LY75: variants seen among roughly 807,000 people sequenced by gnomAD.
LY75 encodes the protein lymphocyte antigen 75, also known as C-type lectin domain family 13 member B.
In LY75, 185 loss-of-function variants were observed where a neutral mutation model predicts 231.7. The ratio of observed to expected loss-of-function variants is 0.80; its 90% CI spans 0.71 to 0.90. LY75 has a LOEUF of 0.90. Among genes scored for constraint, LY75 ranks in the 40% least tolerant of loss-of-function variants. The pLI is 0.00. For missense variants in LY75, 1,947 were observed against 2,050.2 expected, an observed-to-expected ratio of 0.95 and a Z score of 0.97; for synonymous variants, 668 against 689.0, an observed-to-expected ratio of 0.97 and a Z score of 0.48.
intron 13 of LY75, among the ~76,000 whole-genome samples, chr2:159,867,876 C>T (rs1684902787): frequency 6.6e-6 from 1 of 152,148 alleles, no homozygotes; most frequent in African/African-American, 2.4e-5. Context: ...TGATTTGGTG[C>T]ACCATGAATC....
rs1308176006 is a variant in LY75, at chr2:159,850,406, G to A, written c.2945C>T (p.Ser982Phe). 1 of 1,613,676 alleles carries A rather than the reference G, an allele frequency of 6.2e-7. No individual in the cohort carries two copies. Among genetic ancestry groups the A allele is most frequent in the South Asian group, 1.1e-5 (1 of 91,060 alleles). The change falls in exon 22 of 35, where the codon TCC (serine) becomes TTC (phenylalanine). Residue 982 changes from serine to phenylalanine, a missense_variant. Physicochemically the swap from Ser to Phe is radical, Grantham distance 155. Transcript: ENST00000263636. ...TFSQASDTCH[S>F]YGGTLPSVLS... is the part of the protein sequence containing the mutation. ...CACTGAAGGAAGGGTGCCACCATAGGAGTGACAGGTATCGCTTGCTTGAGA... is the reference window on the plus strand; with the variant it reads ...CACTGAAGGAAGGGTGCCACCATAGAAGTGACAGGTATCGCTTGCTTGAGA...
chr2:159,828,309 G>A (rs80345541), intron 28 of LY75, among the ~76,000 whole-genome samples: 24,349 of 150,918 alleles, frequency 0.16, 2,281 homozygotes, highest in East Asian at 0.32. Flanking sequence ...CTTACCCCTC[G>A]ACAATAAAAA....
intron 2 of LY75, among the ~76,000 whole-genome samples, chr2:159,898,356 A>ATTCCTTTCCTCTAGGGT (rs146899149): frequency 0.17 from 25,790 of 151,628 alleles, 2,546 homozygotes; most frequent in East Asian, 0.32. Flanking sequence ...AAATCTAATG[A>ATTCCTTTCCTCTAGGGT]TTCCTTTCCT....
Position 159,840,840 on chromosome 2 carries a change from C to T in LY75, c.3396G>A (p.Leu1132=). ...LTWHSAKREC[L]KSNMQLVSIT... is the part of the protein sequence containing the mutation. ...TGCTCACCAGCTGCATGTTACTTTT[C>T]AGACACTCCCTTTTAGCACTGTGCC... is the stretch of plus-strand genomic sequence containing the variant. Residue 1132 remains leucine (L), a synonymous_variant, in exon 25 of 35, where the codon CTG becomes CTA. Transcript: ENST00000263636. The T allele has an allele frequency of 6.2e-7, 1 of 1,614,094 alleles. No individual in the cohort carries two copies. Among genetic ancestry groups the T allele is most frequent in the South Asian group, 1.1e-5 (1 of 91,074 alleles).
At chr2:159,815,694 T>C in intron 30 of LY75, 121 bp from the exon 31 acceptor site, 2 of 1,260,926 alleles carry the variant, frequency 1.6e-6, no homozygotes, top group Non-Finnish European at 1.1e-6. Flanking sequence ...GCTTACAGTA[T>C]TGTAGGTCTG....
intron 1 of LY75, 26 bp from the exon 2 acceptor site, chr2:159,899,085 T>C (rs763263821): frequency 6.3e-7 from 1 of 1,599,504 alleles, no homozygotes; most frequent in Non-Finnish European, 8.5e-7. Context: ...AGACAGATTG[T>C]AGATTATGTG....
rs147904044 is a variant in LY75, at chr2:159,840,760, G to A, written c.3476C>T (p.Ser1159Phe). ...FLSVQALLHN[S>F]SLWIGLFSQD... ...ACTGAAGAGTCCGATCCATAAGGAAGAGTTGTGAAGGAGCGCCTGCACACT... is the reference window on the plus strand; with the variant it reads ...ACTGAAGAGTCCGATCCATAAGGAAAAGTTGTGAAGGAGCGCCTGCACACT... The change falls in exon 25 of 35, where the codon TCT (serine) becomes TTT (phenylalanine). Residue 1159 changes from serine (S) to phenylalanine (F), a missense_variant. Physicochemically the swap from Ser to Phe is radical, Grantham distance 155. Coordinates refer to ENST00000263636, the MANE Select transcript of LY75 (RefSeq NM_002349.4). 6,648 of 1,614,062 alleles carry A rather than the reference G, an allele frequency of 4.1e-3. 16 individuals are homozygous for A. The highest frequency in any genetic ancestry group is 5.1e-3 in the Non-Finnish European group (5,974 of 1,179,972).
rs778647483 is a variant in LY75, at chr2:159,875,626, C to T, written c.1792G>A (p.Val598Met). 63 of 1,613,814 alleles carry T rather than the reference C, an allele frequency of 3.9e-5. 2 individuals carry two copies. Among genetic ancestry groups the T allele is most frequent in the South Asian group, 2.1e-4 (19 of 91,060 alleles). The change falls in exon 12 of 35, where the codon GTG (valine) becomes ATG (methionine). Residue 598 changes from valine (V) to methionine (M), a missense_variant. Coordinates refer to ENST00000263636, the MANE Select transcript of LY75 (RefSeq NM_002349.4). ...FLEPASPGGC[V>M]AMSTGKSVGK... ...ACAGACTTTCCAGTAGACATAGCCA[C>T]GCAGCCGCCCGGGGAAGCTGGGATT...
chr2:159,848,675 AT>A (rs1167052344), intron 23 of LY75, among the ~76,000 whole-genome samples: 1 of 152,214 alleles, frequency 6.6e-6, no homozygotes, highest in Non-Finnish European at 1.5e-5. Context: ...AAAACAGTGT[AT>A]GGAAAAGCCC....
In LY75 at chr2:159,898,771, C is replaced by T; in HGVS notation, c.383G>A (p.Gly128Glu). The T allele has an allele frequency of 6.2e-7, 1 of 1,614,242 alleles. No homozygotes were observed. Among genetic ancestry groups the T allele is most frequent in the Non-Finnish European group, 8.5e-7 (1 of 1,180,036 alleles). The change falls in exon 2 of 35, where the codon GGA becomes GAA. Residue 128 changes from glycine to glutamate, a missense_variant. Coordinates refer to ENST00000263636, the MANE Select transcript of LY75 (RefSeq NM_002349.4). The stretch of plus-strand genomic sequence containing the variant: ...TGCATTTGAGATTGCTGTGCCATGT[C>T]CATCCTTCAGAGCCAGCCGGTACCG... Reference protein sequence around the residue: ...AARYRLALKDGHGTAISNASD... With the variant: ...AARYRLALKDEHGTAISNASD...
Position 159,819,934 on chromosome 2 carries a change from A to ATT in LY75, c.3959-16_3959-15dup, listed in dbSNP as rs36120198. The stretch of plus-strand genomic sequence containing the variant: ...TAAGAGACTTATCTAGAGAAGAAAC[A>ATT]TTTTTTCCTATGCTTAGAGATTAAA... On this transcript the variant is annotated splice_polypyrimidine_tract_variant and intron_variant, in intron 28 of 34. Transcript: ENST00000263636. 0.097 allele frequency: 153,064 copies of ATT among 1,570,488 alleles called. 8,401 individuals are homozygous for ATT. Among genetic ancestry groups the ATT allele is most frequent in the South Asian group, 0.15 (12,664 of 83,506 alleles).
chr2:159,813,612 C>T (rs761731773), intron 31 of LY75, among the ~76,000 whole-genome samples: 7 of 152,238 alleles, frequency 4.6e-5, no homozygotes, highest in Middle Eastern at 3.4e-3. Flanking sequence ...TTTGTCATCA[C>T]GTGGACTTTT....
intron 13 of LY75, among the ~76,000 whole-genome samples, chr2:159,867,258 C>T (rs777668505): frequency 6.6e-6 from 1 of 152,044 alleles, no homozygotes; most frequent in Non-Finnish European, 1.5e-5. Flanking sequence ...AAAATAATAG[C>T]GACATGTATG....
intron 24 of LY75, among the ~76,000 whole-genome samples, chr2:159,841,892 TTTAA>T (rs1307057498): frequency 4.6e-5 from 7 of 152,126 alleles, no homozygotes; most frequent in Non-Finnish European, 5.9e-5. Flanking sequence ...AATTAATTAA[TTTAA>T]TTAATTATGG....
intron 12 of LY75, among the ~76,000 whole-genome samples, chr2:159,874,256 ATATTG>A (rs1456279078): frequency 4.6e-4 from 58 of 124,976 alleles, no homozygotes; most frequent in East Asian, 1.4e-3. Flanking sequence ...GTAAATATAT[ATATTG>A]TAAATATATA....
chr2:159,904,717 G>T lies in LY75; in HGVS notation c.-35C>A. On this transcript the variant is annotated 5_prime_UTR_variant, in exon 1 of 35. Transcript: ENST00000263636. ...GCGCAAGCCTTCCGGCCGGGTCCTC[G>T]GGCGCACGCGGCTCCCGCCCCGCCT... is the stretch of plus-strand genomic sequence containing the variant. 3.6e-6 allele frequency: 5 copies of T among 1,388,414 alleles called. No homozygotes were observed. The highest frequency in any genetic ancestry group is 3.8e-5 in the Admixed American group (1 of 26,302). The allele number at this position is 1,388,414 out of a possible 1,614,324, so 86.0% of individuals were successfully genotyped here. A position where few individuals can be genotyped will look rare whatever the true frequency, so the allele number is the denominator to read the frequency against.
At chr2:159,831,886 C>A in intron 27 of LY75, 100 bp from the exon 28 acceptor site, 4 of 907,890 alleles carry the variant, frequency 4.4e-6, no homozygotes, top group South Asian at 3.8e-5. Context: ...TAATATACTT[C>A]AAAATATAAA....
At position 159,858,468 on chromosome 2, in the gene LY75, A is replaced by G. The variant is rs780906869; in HGVS notation, c.2277T>C (p.His759=). ...IRDCAAVKVF[H]RPWRRGWHFY... ...AATGCCAGCCTCTTCGCCATGGCCT[A>G]TGAAATACCTATAAGAGGAAAAGTA... The change falls in exon 16 of 35, where the codon CAT becomes CAC. Residue 759 remains histidine (H), a synonymous_variant. Transcript: ENST00000263636. 5.0e-6 allele frequency: 8 copies of G among 1,611,310 alleles called. No homozygotes were observed. The highest frequency in any genetic ancestry group is 3.4e-5 in the Admixed American group (2 of 59,598).
intron 18 of LY75, 71 bp from the exon 19 acceptor site, chr2:159,853,768 G>A: frequency 6.3e-7 from 1 of 1,593,932 alleles, no homozygotes. Context: ...CGAATACATT[G>A]TCTTACTATA....
Sources: allele counts gnomAD v4.1 joint callset (sites outside exome capture counted in the v4.1 genomes callset), GRCh38; gene constraint gnomAD v4.1.1; transcripts MANE v1.5; gene names NCBI Gene and HGNC (gene_info 2026-07-23, HGNC 2026-07-21).